MRTFB: variants seen among roughly 807,000 people sequenced by gnomAD.
MRTFB encodes the protein myocardin related transcription factor B.
In MRTFB, 29 loss-of-function variants were observed where a neutral mutation model predicts 104.2. The ratio of observed to expected loss-of-function variants is 0.28; its 90% CI spans 0.21 to 0.38. The LOEUF (loss-of-function observed/expected upper bound fraction) is 0.38. MRTFB is among the 10% of genes least tolerant of loss of function. The pLI is 1.00. For missense variants in MRTFB, 1,270 were observed against 1,341.6 expected (o/e 0.95, Z 0.83); for synonymous variants, 535 against 519.5 (o/e 1.03, Z -0.41).
chr16:14,098,036 G>A (rs986676487), intron 2 of MRTFB, among the ~76,000 whole-genome samples: 2 of 152,054 alleles, frequency 1.3e-5, no homozygotes, highest in African/African-American at 4.8e-5. Context: ...TCCAGTTTTG[G>A]GCTATTACAA....
At chr16:14,159,033 T>C (rs2038932710) in intron 3 of MRTFB, among the ~76,000 whole-genome samples, 1 of 151,046 alleles carries the variant, frequency 6.6e-6, no homozygotes. Context: ...CCCAGCTACT[T>C]AGGAGGCTGA....
chr16:14,253,511 G>GC (rs1261645113), intron 15 of MRTFB, among the ~76,000 whole-genome samples: 1 of 152,194 alleles, frequency 6.6e-6, no homozygotes, highest in East Asian at 1.9e-4. Flanking sequence ...GGAACGTGGG[G>GC]CCAAGGGCTC....
chr16:14,224,372 G>A (rs1368896769), intron 8 of MRTFB, among the ~76,000 whole-genome samples: 1 of 152,114 alleles, frequency 6.6e-6, no homozygotes, highest in Admixed American at 6.5e-5. Context: ...TGCCTTTACA[G>A]TGTAAATGGT....
chr16:14,036,217 T>G, the MRTFB span, among the ~76,000 whole-genome samples: 1 of 126,268 alleles, frequency 7.9e-6, no homozygotes, highest in Admixed American at 9.8e-5. Flanking sequence ...TTATATAAAA[T>G]ATATATAATA....
chr16:14,195,595 G>A (rs1567441862), intron 3 of MRTFB: 1 of 983,448 alleles, frequency 1.0e-6, no homozygotes, highest in Non-Finnish European at 1.2e-6. Context: ...GGGAAAAATT[G>A]GAGGTAAACA....
At chr16:14,053,591 C>T in the MRTFB span, among the ~76,000 whole-genome samples, 8 of 151,968 alleles carry the variant, frequency 5.3e-5, no homozygotes, top group South Asian at 2.1e-4. Context: ...ATTAGCCGGG[C>T]GTGGTGGCGG....
intron 1 of MRTFB, among the ~76,000 whole-genome samples, chr16:14,076,031 T>C (rs992782859): frequency 2.6e-5 from 4 of 151,930 alleles, no homozygotes; most frequent in Non-Finnish European, 5.9e-5. Context: ...TATACATGTC[T>C]TTTTTTTGTA....
intron 3 of MRTFB, among the ~76,000 whole-genome samples, chr16:14,178,785 C>T (rs1220462742): frequency 6.6e-6 from 1 of 151,674 alleles, no homozygotes; most frequent in Non-Finnish European, 1.5e-5. Context: ...GTTCTCACTT[C>T]GTCGACAAGG....
intron 13 of MRTFB, among the ~76,000 whole-genome samples, chr16:14,249,386 A>G (rs1312739870): frequency 6.6e-6 from 1 of 152,266 alleles, no homozygotes; most frequent in Non-Finnish European, 1.5e-5. Flanking sequence ...GAATTTTAAA[A>G]TAAATGTTTT....
rs758569698 is a variant in MRTFB at position 14,217,089 on chromosome 16, A to G, written c.353-37A>G. 1.9e-6 allele frequency: 3 copies of G among 1,563,430 alleles called. No homozygotes were observed. In the South Asian group the frequency reaches 3.7e-5, roughly 19 times the overall value. ...ATAACATTATGGAATAGAAATAGTA[A>G]TTCGAGTAATGGTTAAAACTGTGTT... On this transcript the variant is annotated intron_variant, in intron 6 of 16. Coordinates refer to ENST00000571589, the MANE Select transcript of MRTFB (RefSeq NM_001308142.2).
At chr16:14,137,498 T>G (rs2037780567) in intron 2 of MRTFB, among the ~76,000 whole-genome samples, 1 of 152,158 alleles carries the variant, frequency 6.6e-6, no homozygotes, top group South Asian at 2.1e-4. Flanking sequence ...CTTGTACATC[T>G]TTCAATTATA....
chr16:14,014,562 GA>G, the MRTFB span, among the ~76,000 whole-genome samples: 2 of 144,814 alleles, frequency 1.4e-5, no homozygotes, highest in African/African-American at 5.1e-5. Context: ...GTCTCAAAAA[GA>G]AAAAAAAAAG....
chr16:14,049,556 G>T, the MRTFB span, among the ~76,000 whole-genome samples: 15 of 152,164 alleles, frequency 9.9e-5, no homozygotes, highest in African/African-American at 3.1e-4. Context: ...ATTGCGGATT[G>T]GATCCTGGAT....
intron 2 of MRTFB, among the ~76,000 whole-genome samples, chr16:14,104,718 A>T (rs1169955771): frequency 6.6e-6 from 1 of 152,236 alleles, no homozygotes; most frequent in Non-Finnish European, 1.5e-5. Context: ...TGAGAACCTC[A>T]GTAAATTTTA....
At chr16:14,232,881 A>G (rs142930714) in intron 8 of MRTFB, among the ~76,000 whole-genome samples, 9 of 152,362 alleles carry the variant, frequency 5.9e-5, no homozygotes, top group African/African-American at 7.2e-5. Flanking sequence ...TTAAAATGCA[A>G]ATACTTTAAC....
chr16:14,161,265 A>T (rs2039027250), intron 3 of MRTFB, among the ~76,000 whole-genome samples: 1 of 152,106 alleles, frequency 6.6e-6, no homozygotes, highest in African/African-American at 2.4e-5. Context: ...CTGTTATAAC[A>T]TATAGTACTT....
chr16:14,030,726 G>A, the MRTFB span, among the ~76,000 whole-genome samples: 95 of 152,284 alleles, frequency 6.2e-4, no homozygotes, highest in African/African-American at 2.3e-3. Flanking sequence ...TGGCAGAGCC[G>A]ATCCAATCAG....
the MRTFB span, among the ~76,000 whole-genome samples, chr16:14,036,336 T>C: frequency 8.6e-6 from 1 of 116,502 alleles, no homozygotes; most frequent in East Asian, 2.6e-4. Context: ...TCCACCTGCC[T>C]CTGGGCAGTT....
chr16:14,241,851 G>A (rs1210167262), intron 10 of MRTFB, among the ~76,000 whole-genome samples: 1 of 151,820 alleles, frequency 6.6e-6, no homozygotes, highest in Non-Finnish European at 1.5e-5. Flanking sequence ...AGGGAATCAG[G>A]GGATACCAAA....
Sources: allele counts gnomAD v4.1 joint callset (sites outside exome capture counted in the v4.1 genomes callset), GRCh38; gene constraint gnomAD v4.1.1; transcripts MANE v1.5; gene names NCBI Gene and HGNC (gene_info 2026-07-23, HGNC 2026-07-21).